MARCHF1: variants seen among roughly 807,000 people sequenced by gnomAD.
MARCHF1 encodes membrane associated ring-CH-type finger 1, also known as E3 ubiquitin-protein ligase MARCHF1.
A neutral mutation model predicts 54.2 loss-of-function variants in MARCHF1; 40 were observed. The observed-to-expected ratio is 0.74, with a 90% CI of 0.57 to 0.96. The LOEUF (loss-of-function observed/expected upper bound fraction) is 0.96, where lower values mean the gene tolerates loss of function less well. MARCHF1 is among the 40% of genes least tolerant of loss of function. MARCHF1 has a pLI of 0.00. For synonymous variants in MARCHF1, 236 were observed against 236.3 expected (o/e 1.00, Z 0.01); for missense variants, 586 against 656.5 (o/e 0.89, Z 1.17).
At chr4:163,805,914 C>T (rs1748213795) in intron 4 of MARCHF1, among the ~76,000 whole-genome samples, 1 of 152,164 alleles carries the variant, frequency 6.6e-6, no homozygotes, top group African/African-American at 2.4e-5. Flanking sequence ...AAGGATTCTC[C>T]TTCTTTTGTC....
At chr4:163,921,218 T>G in intron 3 of MARCHF1, among the ~76,000 whole-genome samples, 1 of 152,126 alleles carries the variant, frequency 6.6e-6, no homozygotes, top group East Asian at 1.9e-4. Flanking sequence ...TGCTATCAAT[T>G]TGTTATAGGA....
intron 1 of MARCHF1, among the ~76,000 whole-genome samples, chr4:164,243,741 C>T (rs919601657): frequency 3.9e-5 from 6 of 151,916 alleles, no homozygotes; most frequent in Non-Finnish European, 7.4e-5. Context: ...TACATAGCCT[C>T]AAAATAAAAG....
At position 163,719,858 on chromosome 4, in the gene MARCHF1, G is replaced by A. The variant is rs569167071; in HGVS notation, c.112-18995C>T. On this transcript the variant is annotated intron_variant, in intron 4 of 9. Transcript: ENST00000514618. ...TGAGAAGTGTCTGTTCATATTCTTC[G>A]CCCGCTTGTTGATGGGGTTGTTTTT... 2.5e-4 allele frequency among the ~76,000 whole-genome samples: 38 copies of A among 152,168 alleles called. No individual in the cohort carries two copies. In the East Asian group the frequency reaches 3.9e-3, roughly 15 times the overall value.
In MARCHF1 at chr4:164,180,943, T is replaced by C. The variant is rs527607089; in HGVS notation, c.-322-69281A>G. Among the ~76,000 whole-genome samples the C allele has an allele frequency of 3.9e-5, 6 of 152,250 alleles. 1 individual carries two copies. In the South Asian group the frequency reaches 1.2e-3, roughly 32 times the overall value. On this transcript the variant is annotated intron_variant, in intron 1 of 9. Coordinates refer to ENST00000514618, the MANE Select transcript of MARCHF1 (RefSeq NM_001394959.1). ...TACTTAATATCCATTCTAGACAACA[T>C]TTACCTTCCTAAAACTTGTTTTCAA...
intron 4 of MARCHF1, among the ~76,000 whole-genome samples, chr4:163,742,651 T>C (rs181951831): frequency 1.5e-5 from 2 of 130,630 alleles, no homozygotes; most frequent in Admixed American, 7.6e-5. Flanking sequence ...TAAATTTTTT[T>C]ATTTTTTGTA....
chr4:164,006,575 A>T (rs1223348806), intron 2 of MARCHF1, among the ~76,000 whole-genome samples: 1 of 152,176 alleles, frequency 6.6e-6, no homozygotes, highest in Non-Finnish European at 1.5e-5. Context: ...AAATCACAAC[A>T]AAAAACTATC....
intron 2 of MARCHF1, among the ~76,000 whole-genome samples, chr4:164,014,643 G>C (rs1239584172): frequency 2.6e-5 from 4 of 152,106 alleles, no homozygotes; most frequent in South Asian, 4.1e-4. Flanking sequence ...ATGCTTACAA[G>C]AAACTCACTT....
chr4:164,263,514 A>T (rs1218732553), intron 1 of MARCHF1, among the ~76,000 whole-genome samples: 1 of 152,144 alleles, frequency 6.6e-6, no homozygotes, highest in African/African-American at 2.4e-5. Flanking sequence ...CTCTTGTATT[A>T]GTCTCCCCAG....
At chr4:164,264,553 C>A (rs1733555159) in intron 1 of MARCHF1, among the ~76,000 whole-genome samples, 1 of 151,874 alleles carries the variant, frequency 6.6e-6, no homozygotes, top group African/African-American at 2.4e-5. Context: ...AAACACATAT[C>A]TTTCATTCAT....
intron 2 of MARCHF1, among the ~76,000 whole-genome samples, chr4:164,001,592 G>C (rs1358998779): frequency 6.6e-6 from 1 of 151,834 alleles, no homozygotes; most frequent in African/African-American, 2.4e-5. Context: ...CATGATTCCT[G>C]AAAGTGGGAA....
intron 1 of MARCHF1, among the ~76,000 whole-genome samples, chr4:164,316,103 G>A (rs147355854): frequency 2.5e-4 from 38 of 152,212 alleles, no homozygotes; most frequent in African/African-American, 8.4e-4. Flanking sequence ...AAAGTGATAA[G>A]ACAAGTGTCT....
chr4:163,849,195 A>G (rs1749574846), intron 4 of MARCHF1, among the ~76,000 whole-genome samples: 1 of 152,182 alleles, frequency 6.6e-6, no homozygotes, highest in South Asian at 2.1e-4. Context: ...ACAAGTTATT[A>G]CCTAAGTCAC....
chr4:164,142,638 A>C (rs1184647856), intron 1 of MARCHF1, among the ~76,000 whole-genome samples: 1 of 152,162 alleles, frequency 6.6e-6, no homozygotes. Context: ...AAACTAACAA[A>C]CAGAAAGGAC....
intron 1 of MARCHF1, among the ~76,000 whole-genome samples, chr4:164,286,395 AACT>A (rs1734148188): frequency 6.6e-6 from 1 of 152,208 alleles, no homozygotes; most frequent in African/African-American, 2.4e-5. Flanking sequence ...TCTATTTTTA[AACT>A]ACTCATAAAT....
chr4:164,231,420 A>ATCT (rs111497652), intron 1 of MARCHF1, among the ~76,000 whole-genome samples: 191 of 152,252 alleles, frequency 1.3e-3, no homozygotes, highest in African/African-American at 4.4e-3. Context: ...ATAGGTTATA[A>ATCT]TCTTTTCCCC....
At chr4:164,143,496 G>C (rs1224808499) in intron 1 of MARCHF1, among the ~76,000 whole-genome samples, 1 of 151,034 alleles carries the variant, frequency 6.6e-6, no homozygotes, top group African/African-American at 2.4e-5. Context: ...CTACAAGCCA[G>C]AAGAGAGTGG....
chr4:164,108,549 T>A (rs1046826847), intron 2 of MARCHF1, among the ~76,000 whole-genome samples: 2 of 152,110 alleles, frequency 1.3e-5, no homozygotes, highest in Admixed American at 6.6e-5. Flanking sequence ...TTAATTTTTA[T>A]ATAAATGAAT....
chr4:163,968,538 G>T (rs1752487481), intron 3 of MARCHF1, among the ~76,000 whole-genome samples: 1 of 152,062 alleles, frequency 6.6e-6, no homozygotes, highest in Non-Finnish European at 1.5e-5. Context: ...AGCTTTTAAT[G>T]CATACAAAGA....
chr4:164,272,934 T>C (rs1173550421), intron 1 of MARCHF1, among the ~76,000 whole-genome samples: 2 of 152,078 alleles, frequency 1.3e-5, no homozygotes, highest in African/African-American at 2.4e-5. Context: ...AGTAGATGTA[T>C]GTACATGATG....
Sources: allele counts gnomAD v4.1 joint callset (sites outside exome capture counted in the v4.1 genomes callset), GRCh38; gene constraint gnomAD v4.1.1; transcripts MANE v1.5; gene names NCBI Gene and HGNC (gene_info 2026-07-23, HGNC 2026-07-21).